Variants in PROX1 observed in about 807,000 individuals in gnomAD.
PROX1 encodes prospero homeobox 1, also known as prospero homeobox protein 1.
In PROX1, 7 loss-of-function variants were observed where a neutral mutation model predicts 58.8. That is an observed-to-expected ratio of 0.12 (90% CI 0.07 to 0.22). PROX1 has a LOEUF of 0.22. PROX1 is among the 10% of genes least tolerant of loss of function. The pLI is 1.00. For missense variants in PROX1, 675 were observed against 927.8 expected (o/e 0.73, Z 3.54); for synonymous variants, 350 against 358.3 (o/e 0.98, Z 0.26).
In PROX1 at chr1:214,038,072, A is replaced by G. The variant is rs1664887868; in HGVS notation, c.*2238A>G. The G allele has an allele frequency of 6.6e-6, 1 of 152,136 alleles. No individual in the cohort carries two copies. Among genetic ancestry groups the G allele is most frequent in the South Asian group, 2.1e-4 (1 of 4,820 alleles). The allele number at this position is 152,136 out of a possible 1,614,324, so 9.4% of individuals were successfully genotyped here. On this transcript the variant is annotated 3_prime_UTR_variant, in exon 5 of 5. Coordinates refer to ENST00000366958, the MANE Select transcript of PROX1 (RefSeq NM_001270616.2). ...GGGGCGAGTTCAATATTGATTCCAG[A>G]CTTATTTGGATTTTTTTAGTATTAT...
chr1:214,031,034 C>CGTGTGTGTGTGTGT (rs34640999), intron 4 of PROX1: 5 of 145,496 alleles, frequency 3.4e-5, no homozygotes, highest in African/African-American at 1.0e-4. Flanking sequence ...CCCAACACAC[C>CGTGTGTGTGTGTGT]GTGTGTGTGT....
chr1:213,983,505 C>T (rs1036812114), upstream of PROX1, among the ~76,000 whole-genome samples: 10 of 152,328 alleles, frequency 6.6e-5, no homozygotes, highest in African/African-American at 2.2e-4. Context: ...ACTGCGCCCC[C>T]GCGTGCAAAG....
At chr1:214,008,790 T>C (rs1663809017) in intron 3 of PROX1, among the ~76,000 whole-genome samples, 1 of 152,174 alleles carries the variant, frequency 6.6e-6, no homozygotes, top group South Asian at 2.1e-4. Context: ...CGACCTAGTT[T>C]AACTCCTAGA....
At chr1:214,027,400 A>G (rs1664496994) in intron 4 of PROX1, among the ~76,000 whole-genome samples, 1 of 152,090 alleles carries the variant, frequency 6.6e-6, no homozygotes, top group Non-Finnish European at 1.5e-5. Context: ...TTCTTTTTTA[A>G]AGTCAAGCAT....
At chr1:214,032,078 A>G (rs1045512722) in intron 4 of PROX1, among the ~76,000 whole-genome samples, 1 of 152,218 alleles carries the variant, frequency 6.6e-6, no homozygotes, top group Admixed American at 6.5e-5. Flanking sequence ...ACCAATAACC[A>G]AAGTCTCCTC....
At chr1:213,992,202 G>T (rs1329775264) in intron 1 of PROX1, among the ~76,000 whole-genome samples, 1 of 152,146 alleles carries the variant, frequency 6.6e-6, no homozygotes, top group African/African-American at 2.4e-5. Flanking sequence ...GATGGGATGG[G>T]AGAATCTTAA....
At position 213,998,001 on chromosome 1, in the gene PROX1, T is replaced by G. The variant is rs1663345687; in HGVS notation, c.1466T>G (p.Met489Arg). Residue 489 changes from methionine (M) to arginine (R), a missense_variant, in exon 2 of 5, where the codon ATG becomes AGG. By Grantham distance (91) the Met-to-Arg change is moderately conservative (BLOSUM62 -1). Transcript: ENST00000366958. Reference protein sequence around the residue: ...TFRHPFPLPLMAYPFQSPLGA... With the variant: ...TFRHPFPLPLRAYPFQSPLGA... ...CGCCACCCCTTCCCCCTTCCCTTGA[T>G]GGCCTATCCATTTCAGAGCCCATTA... 6.2e-7 allele frequency: 1 copy of G among 1,613,472 alleles called. No homozygotes were observed. The highest frequency in any genetic ancestry group is 8.5e-7 in the Non-Finnish European group (1 of 1,179,624).
At position 213,987,985 on chromosome 1, in the gene PROX1, G is replaced by A. The variant is rs946018056; in HGVS notation, c.-566G>A. On this transcript the variant is annotated 5_prime_UTR_variant, in exon 1 of 5. Transcript: ENST00000366958. ...GAGCGGAGCCCTCAGCTGAGGGAGCGCTCTGAAATAATACACCATTGCAGC... is the reference window on the plus strand; with the variant it reads ...GAGCGGAGCCCTCAGCTGAGGGAGCACTCTGAAATAATACACCATTGCAGC... 6.6e-6 allele frequency: 1 copy of A among 151,388 alleles called. No homozygotes were observed. The highest frequency in any genetic ancestry group is 2.1e-4 in the South Asian group (1 of 4,782). The allele number at this position is 151,388 out of a possible 1,614,324, so 9.4% of individuals were successfully genotyped here. A position where few individuals can be genotyped will look rare whatever the true frequency, so the allele number is the denominator to read the frequency against.
In PROX1 at chr1:214,005,388, T is replaced by G. The variant is rs1157499927; in HGVS notation, c.1833+116T>G. The G allele has an allele frequency of 2.1e-5, 16 of 744,604 alleles. No individual in the cohort carries two copies. In the East Asian group the frequency reaches 4.3e-4, roughly 20 times the overall value. The allele number at this position is 744,604 out of a possible 1,614,324, so 46.1% of individuals were successfully genotyped here. A position where few individuals can be genotyped will look rare whatever the true frequency, so the allele number is the denominator to read the frequency against. On this transcript the variant is annotated intron_variant, in intron 3 of 4. Coordinates refer to ENST00000366958, the MANE Select transcript of PROX1 (RefSeq NM_001270616.2). ...TTGGTTTATTCCTACACCTGTGTTATAATTGATTTAATGCACTTGTCTTTT... is the reference window on the plus strand; with the variant it reads ...TTGGTTTATTCCTACACCTGTGTTAGAATTGATTTAATGCACTTGTCTTTT...
chr1:214,031,605 A>G (rs956983822), intron 4 of PROX1, among the ~76,000 whole-genome samples: 10 of 152,180 alleles, frequency 6.6e-5, no homozygotes, highest in Non-Finnish European at 1.5e-4. Context: ...GGTTCTATTA[A>G]AAGAAACCTA....
intron 2 of PROX1, among the ~76,000 whole-genome samples, chr1:214,004,787 A>G (rs1433132528): frequency 6.6e-6 from 1 of 152,132 alleles, no homozygotes; most frequent in Non-Finnish European, 1.5e-5. Context: ...ATTGCAAGGA[A>G]GAAAAAAAAA....
chr1:213,991,213 G>A (rs1487808696), intron 1 of PROX1, among the ~76,000 whole-genome samples: 1 of 152,210 alleles, frequency 6.6e-6, no homozygotes. Context: ...GGAATTCAAT[G>A]TAAGCACTAT....
chr1:214,032,471 T>G (rs914038540), intron 4 of PROX1, among the ~76,000 whole-genome samples: 1 of 152,122 alleles, frequency 6.6e-6, no homozygotes, highest in African/African-American at 2.4e-5. Flanking sequence ...CTCAGCTCAC[T>G]GCAACCTCCG....
At chr1:214,001,403 G>C (rs574087005) in intron 2 of PROX1, among the ~76,000 whole-genome samples, 14 of 152,282 alleles carry the variant, frequency 9.2e-5, no homozygotes, top group Non-Finnish European at 1.6e-4. Flanking sequence ...AAAAGAAACA[G>C]TCAGCCAATT....
chr1:214,003,976 T>TGTG (rs11399035), intron 2 of PROX1, among the ~76,000 whole-genome samples: 2,572 of 152,026 alleles, frequency 0.017, 49 homozygotes, highest in East Asian at 0.077. Context: ...GTGAGTGTGT[T>TGTG]TGTGTGTGTG....
intron 1 of PROX1, among the ~76,000 whole-genome samples, chr1:213,993,824 A>G (rs978097899): frequency 6.6e-6 from 1 of 152,204 alleles, no homozygotes; most frequent in Non-Finnish European, 1.5e-5. Context: ...TTCCAGCTGG[A>G]CATTTTACAA....
chr1:214,003,703 T>A (rs1167085390), intron 2 of PROX1, among the ~76,000 whole-genome samples: 1 of 152,250 alleles, frequency 6.6e-6, no homozygotes, highest in African/African-American at 2.4e-5. Flanking sequence ...GTGATCTTTT[T>A]AAAATTGCAT....
At chr1:213,986,995 C>G (rs1326654996), upstream of PROX1, among the ~76,000 whole-genome samples, 1 of 152,204 alleles carries the variant, frequency 6.6e-6, no homozygotes, top group East Asian at 1.9e-4. Flanking sequence ...GCCTAATAAA[C>G]TTTAAAGTTT....
chr1:214,022,039 G>A (rs1366638451), intron 4 of PROX1, among the ~76,000 whole-genome samples: 1 of 152,168 alleles, frequency 6.6e-6, no homozygotes, highest in Non-Finnish European at 1.5e-5. Context: ...CCTGCAAGTA[G>A]TCAATATTTT....
Sources: allele counts gnomAD v4.1 joint callset (sites outside exome capture counted in the v4.1 genomes callset), GRCh38; gene constraint gnomAD v4.1.1; transcripts MANE v1.5; gene names NCBI Gene and HGNC (gene_info 2026-07-23, HGNC 2026-07-21).